FOXP2: variants seen among roughly 807,000 people sequenced by gnomAD.
FOXP2 encodes forkhead box P2, also known as forkhead box protein P2.
In FOXP2, 12 loss-of-function variants were observed where a neutral mutation model predicts 115.8. That is an observed-to-expected ratio of 0.10 (90% CI 0.07 to 0.17). FOXP2 has a LOEUF of 0.17. Among genes scored for constraint, FOXP2 ranks in the 10% least tolerant of loss-of-function variants. The pLI is 1.00. For missense variants in FOXP2, 629 were observed against 843.5 expected (o/e 0.75, Z 3.15); for synonymous variants, 328 against 297.7 (o/e 1.10, Z -1.05).
intron 2 of FOXP2, among the ~76,000 whole-genome samples, chr7:114,446,030 T>C (rs1794821360): frequency 1.7e-5 from 2 of 116,780 alleles, no homozygotes; most frequent in African/African-American, 7.8e-5. Context: ...TAGTCTGTAA[T>C]ATGATTAACT....
At chr7:114,463,136 C>T (rs1321475109) in intron 2 of FOXP2, 2 of 397,264 alleles carry the variant, frequency 5.0e-6, no homozygotes, top group Non-Finnish European at 1.0e-5. Flanking sequence ...TCAAGCAGTC[C>T]TCCGACCTCA....
At position 114,615,908 on chromosome 7, in the gene FOXP2, A is replaced by G. The variant is rs553840206; in HGVS notation, c.259-12632A>G. ...TTCCTCAGGTTTTAGCTTAAATGCC[A>G]CCTCTTGAGGAGAACTTCCCTGACT... On this transcript the variant is annotated intron_variant, in intron 3 of 16. Coordinates refer to ENST00000350908, the MANE Select transcript of FOXP2 (RefSeq NM_014491.4). 9.2e-5 allele frequency among the ~76,000 whole-genome samples: 14 copies of G among 152,194 alleles called. No individual in the cohort carries two copies. In the South Asian group the frequency reaches 2.7e-3, roughly 29 times the overall value.
intron 3 of FOXP2, among the ~76,000 whole-genome samples, chr7:114,535,930 CTTTGT>C (rs1213286254): frequency 2.0e-5 from 3 of 151,428 alleles, no homozygotes; most frequent in African/African-American, 4.8e-5. Context: ...CTTCACATTC[CTTTGT>C]TTTAACTAAT....
chr7:114,471,172 T>A (rs994856460), intron 2 of FOXP2, among the ~76,000 whole-genome samples: 1 of 152,190 alleles, frequency 6.6e-6, no homozygotes, highest in Non-Finnish European at 1.5e-5. Context: ...TTCCCACAAT[T>A]TCAATTATAG....
intron 1 of FOXP2, among the ~76,000 whole-genome samples, chr7:114,169,527 G>A (rs905236721): frequency 3.9e-5 from 6 of 152,210 alleles, no homozygotes; most frequent in Admixed American, 2.6e-4. Context: ...TATCTAGGAA[G>A]TAACTAGCTT....
chr7:114,174,135 T>C (rs1726277498), intron 1 of FOXP2, among the ~76,000 whole-genome samples: 1 of 151,998 alleles, frequency 6.6e-6, no homozygotes, highest in South Asian at 2.1e-4. Context: ...TAGGGATAAG[T>C]GTGCAAATAA....
chr7:114,230,197 A>G (rs1463836563), intron 1 of FOXP2, among the ~76,000 whole-genome samples: 2 of 151,928 alleles, frequency 1.3e-5, no homozygotes, highest in Admixed American at 1.3e-4. Context: ...AAAAATCAAA[A>G]CAGAGTTATA....
At chr7:114,398,265 A>G (rs1399370237) in intron 2 of FOXP2, among the ~76,000 whole-genome samples, 1 of 152,176 alleles carries the variant, frequency 6.6e-6, no homozygotes, top group East Asian at 1.9e-4. Context: ...ATAGCCATCT[A>G]AAATATAACC....
At chr7:114,398,384 A>C (rs1013548326) in intron 2 of FOXP2, among the ~76,000 whole-genome samples, 2 of 152,152 alleles carry the variant, frequency 1.3e-5, no homozygotes, top group African/African-American at 4.8e-5. Context: ...TATAAAAATG[A>C]AATAAACTGG....
At chr7:114,148,679 A>G (rs1301092760) in intron 1 of FOXP2, among the ~76,000 whole-genome samples, 2 of 152,202 alleles carry the variant, frequency 1.3e-5, no homozygotes, top group African/African-American at 4.8e-5. Context: ...TTTCCTGTAT[A>G]TTCACTATGT....
intron 2 of FOXP2, among the ~76,000 whole-genome samples, chr7:114,438,752 C>T (rs1447658483): frequency 6.6e-6 from 1 of 151,966 alleles, no homozygotes; most frequent in Admixed American, 6.6e-5. Flanking sequence ...AATGAATTTA[C>T]GTGTTGGTTT....
chr7:114,520,212 A>C (rs1392134944), intron 2 of FOXP2, among the ~76,000 whole-genome samples: 1 of 152,162 alleles, frequency 6.6e-6, no homozygotes, highest in African/African-American at 2.4e-5. Flanking sequence ...TTCATGCTTC[A>C]AAATATAGTC....
chr7:114,455,680 T>G (rs934237634), intron 2 of FOXP2, among the ~76,000 whole-genome samples: 1 of 152,200 alleles, frequency 6.6e-6, no homozygotes, highest in African/African-American at 2.4e-5. Context: ...TCCTTGTCCT[T>G]ACTTTTAATA....
chr7:114,605,396 G>A (rs1173746553), intron 3 of FOXP2, among the ~76,000 whole-genome samples: 4 of 151,990 alleles, frequency 2.6e-5, no homozygotes, highest in African/African-American at 7.2e-5. Context: ...AATATTTTTT[G>A]AACCCCTACT....
chr7:114,267,522 A>T (rs1027568502), intron 1 of FOXP2, among the ~76,000 whole-genome samples: 4 of 151,648 alleles, frequency 2.6e-5, no homozygotes, highest in Admixed American at 1.3e-4. Context: ...AGTTCAGGAG[A>T]TCGAGACCAT....
intron 5 of FOXP2, among the ~76,000 whole-genome samples, chr7:114,630,404 G>C (rs1804837013): frequency 6.6e-6 from 1 of 152,008 alleles, no homozygotes; most frequent in African/African-American, 2.4e-5. Flanking sequence ...GGGAGAAACT[G>C]GTTGAGCACA....
At chr7:114,283,913 C>T (rs1162424876) in intron 1 of FOXP2, among the ~76,000 whole-genome samples, 2 of 151,998 alleles carry the variant, frequency 1.3e-5, no homozygotes, top group East Asian at 1.9e-4. Flanking sequence ...TAATGAGCTA[C>T]AATCGCACCA....
At chr7:114,168,043 G>A (rs928224398) in intron 1 of FOXP2, among the ~76,000 whole-genome samples, 2 of 151,626 alleles carry the variant, frequency 1.3e-5, no homozygotes, top group Non-Finnish European at 2.9e-5. Context: ...CACTGTGATT[G>A]TGAGGCCTCC....
At chr7:114,177,933 T>C (rs117591595) in intron 1 of FOXP2, among the ~76,000 whole-genome samples, 1,810 of 152,074 alleles carry the variant, frequency 0.012, 19 homozygotes, top group Middle Eastern at 0.02. Flanking sequence ...ATTATATGTC[T>C]TTTAACCAAC....
Sources: allele counts gnomAD v4.1 joint callset (sites outside exome capture counted in the v4.1 genomes callset), GRCh38; gene constraint gnomAD v4.1.1; transcripts MANE v1.5; gene names NCBI Gene and HGNC (gene_info 2026-07-23, HGNC 2026-07-21).